The following SASH1 variants were observed in gnomAD, a reference collection of about 807,000 sequenced individuals.
SASH1 encodes the protein SAM and SH3 domain containing 1, also known as SAM and SH3 domain-containing protein 1.
In SASH1, 44 loss-of-function variants were observed where a neutral mutation model predicts 125.2. That is an observed-to-expected ratio of 0.35 (90% confidence interval 0.28 to 0.45). SASH1 has a LOEUF of 0.45. SASH1 is among the 20% of genes least tolerant of loss of function. The pLI is 1.00. For synonymous variants in SASH1, 639 were observed against 649.1 expected (o/e 0.98, Z 0.24); for missense variants, 1,426 against 1,614.5 (o/e 0.88, Z 2.00).
chr6:148,246,254 T>TATCCTATCGTCATTC, the SASH1 span, among the ~76,000 whole-genome samples: 1 of 152,244 alleles, frequency 6.6e-6, no homozygotes, highest in African/African-American at 2.4e-5. Flanking sequence ...CATTGTCATT[T>TATCCTATCGTCATTC]ATCTTATCGT....
intron 2 of SASH1, among the ~76,000 whole-genome samples, chr6:148,433,105 GTATTAGATACAATAAATGTTT>G (rs1180970207): frequency 6.6e-6 from 1 of 152,204 alleles, no homozygotes; most frequent in Non-Finnish European, 1.5e-5. Context: ...TTTAGCTTCT[GTATTAGATACAATAAATGTTT>G]GTGGAACTAT....
In SASH1 at chr6:148,527,196, T is replaced by C. The variant is rs771149430; in HGVS notation, c.1285-257T>C. 93 of 344,036 alleles carry C rather than the reference T, an allele frequency of 2.7e-4. 1 individual carries two copies. Among genetic ancestry groups the C allele is most frequent in the Non-Finnish European group, 4.4e-4 (85 of 193,990 alleles). The allele number at this position is 344,036 out of a possible 1,614,324, so 21.3% of individuals were successfully genotyped here. The stretch of plus-strand genomic sequence containing the variant: ...TGGATGTTAAAAATAGTGGAAAAAA[T>C]GTAACCTGATAAGAATGTACTAAAA... On this transcript the variant is annotated intron_variant, in intron 11 of 19. Coordinates refer to ENST00000367467, the MANE Select transcript of SASH1 (RefSeq NM_015278.5).
the SASH1 span, among the ~76,000 whole-genome samples, chr6:148,235,937 C>T: frequency 2.6e-5 from 4 of 152,244 alleles, no homozygotes; most frequent in East Asian, 7.7e-4. Flanking sequence ...ACACTGTAGG[C>T]TAGTTTTCTT....
intron 1 of SASH1, among the ~76,000 whole-genome samples, chr6:148,306,295 T>C (rs1024098178): frequency 6.6e-6 from 1 of 152,122 alleles, no homozygotes; most frequent in African/African-American, 2.4e-5. Flanking sequence ...ATGCCATCTA[T>C]AGATGTCCGC....
At chr6:148,447,504 A>C (rs1048232262) in intron 4 of SASH1, among the ~76,000 whole-genome samples, 5 of 152,104 alleles carry the variant, frequency 3.3e-5, no homozygotes, top group Admixed American at 6.5e-5. Context: ...CTCTGACTGC[A>C]GGGAAGAAGT....
At chr6:148,456,765 G>A (rs914058521) in intron 4 of SASH1, among the ~76,000 whole-genome samples, 14 of 151,768 alleles carry the variant, frequency 9.2e-5, no homozygotes, top group Admixed American at 7.9e-4. Flanking sequence ...GGGGGCTGAG[G>A]AGGTGGGAGG....
At chr6:148,417,372 G>A (rs1784866245) in intron 2 of SASH1, among the ~76,000 whole-genome samples, 1 of 152,074 alleles carries the variant, frequency 6.6e-6, no homozygotes, top group South Asian at 2.1e-4. Flanking sequence ...GGATCACAAG[G>A]TCAAGAGATT....
At chr6:148,285,047 A>G (rs1779445939) in intron 1 of SASH1, among the ~76,000 whole-genome samples, 1 of 152,212 alleles carries the variant, frequency 6.6e-6, no homozygotes, top group Non-Finnish European at 1.5e-5. Flanking sequence ...CTCCACAGCT[A>G]ATGCCACTCC....
At position 148,397,724 on chromosome 6, in the gene SASH1, G is replaced by A. The variant is rs116157960; in HGVS notation, c.285+7462G>A. Among the ~76,000 whole-genome samples, 342 of 152,276 alleles carry A rather than the reference G, an allele frequency of 2.2e-3. 1 individual carries two copies. The highest frequency in any genetic ancestry group is 7.7e-3 in the African/African-American group (318 of 41,560). ...ACCCTTGCATAGAGAACAGTGCATG[G>A]CACATAATAGGTGCCCAATAAGTAT... On this transcript the variant is annotated intron_variant, in intron 2 of 19. Transcript: ENST00000367467.
intron 10 of SASH1, chr6:148,524,934 T>C: frequency 4.3e-6 from 1 of 231,550 alleles, no homozygotes; most frequent in South Asian, 6.4e-5. Context: ...TGAATGTAGC[T>C]GATGTTAGGG....
intron 2 of SASH1, among the ~76,000 whole-genome samples, chr6:148,433,359 A>G (rs1303548175): frequency 2.6e-5 from 4 of 151,758 alleles, no homozygotes; most frequent in South Asian, 2.1e-4. Flanking sequence ...AATACTAGCC[A>G]TGACCTAACT....
intron 2 of SASH1, among the ~76,000 whole-genome samples, chr6:148,408,600 A>C (rs1481539760): frequency 6.6e-6 from 1 of 152,190 alleles, no homozygotes; most frequent in Non-Finnish European, 1.5e-5. Context: ...TATGATTTGC[A>C]AATATTTTCT....
intron 1 of SASH1, among the ~76,000 whole-genome samples, chr6:148,367,805 G>T (rs901873344): frequency 6.6e-6 from 1 of 152,208 alleles, no homozygotes; most frequent in Non-Finnish European, 1.5e-5. Flanking sequence ...GGGGTGAAAA[G>T]CCCAGGAGGG....
chr6:148,251,092 C>T, the SASH1 span, among the ~76,000 whole-genome samples: 195 of 152,246 alleles, frequency 1.3e-3, no homozygotes, highest in African/African-American at 4.5e-3. Flanking sequence ...CAATAGGCCC[C>T]TATAATAATT....
chr6:148,277,559 G>A (rs965923045), intron 1 of SASH1, among the ~76,000 whole-genome samples: 9 of 152,176 alleles, frequency 5.9e-5, no homozygotes, highest in African/African-American at 1.2e-4. Context: ...TCCAGGTAAT[G>A]TCCAGGAAAT....
chr6:148,298,090 T>A (rs868735470), intron 1 of SASH1, among the ~76,000 whole-genome samples: 6 of 150,934 alleles, frequency 4.0e-5, no homozygotes, highest in Non-Finnish European at 8.8e-5. Flanking sequence ...CGCTGCAACC[T>A]CTGCCTCCTG....
intron 16 of SASH1, among the ~76,000 whole-genome samples, chr6:148,539,376 C>T (rs975799649): frequency 2.0e-5 from 3 of 152,022 alleles, no homozygotes; most frequent in African/African-American, 7.3e-5. Flanking sequence ...TCTTCTGACT[C>T]TCTGAAGTCC....
chr6:148,338,946 A>C (rs1781242347), upstream of SASH1, among the ~76,000 whole-genome samples: 3 of 146,686 alleles, frequency 2.0e-5, no homozygotes, highest in Non-Finnish European at 4.5e-5. Flanking sequence ...GGGAGATTGC[A>C]GTGAGCCGAA....
At chr6:148,355,306 T>C (rs1215004413) in intron 1 of SASH1, among the ~76,000 whole-genome samples, 1 of 152,162 alleles carries the variant, frequency 6.6e-6, no homozygotes, top group Non-Finnish European at 1.5e-5. Flanking sequence ...TTCTGCAACA[T>C]GTTGTTGTAA....
Sources: gnomAD v4.1 joint callset for allele counts (sites outside exome capture counted in the v4.1 genomes callset) on GRCh38, gnomAD v4.1.1 for gene constraint, MANE v1.5 for transcripts, NCBI Gene and HGNC (gene_info 2026-07-23, HGNC 2026-07-21) for gene names.